CEP57L1: variants seen among roughly 807,000 people sequenced by gnomAD.
CEP57L1 encodes centrosomal protein 57 like 1.
CEP57L1 carries 37 observed loss-of-function variants against 61.0 expected under a neutral mutation model. The observed-to-expected ratio is 0.61, with a 90% CI of 0.47 to 0.80. The LOEUF (loss-of-function observed/expected upper bound fraction) is 0.80. Ranked by LOEUF, CEP57L1 falls within the 30% of genes least tolerant of loss-of-function variation. The pLI, the probability that CEP57L1 is intolerant of heterozygous loss-of-function variation, is 0.00. For synonymous variants in CEP57L1, 137 were observed against 162.3 expected (o/e 0.84, Z 1.19); for missense variants, 422 against 524.7 (o/e 0.80, Z 1.91).
In CEP57L1 at chr6:109,165,836, A is replaced by G. The variant is rs1774065648; in HGVS notation, c.*2866A>G. ...GGAGCAGTCAGTCTATGGTCAGTGTAAGAGTTGCTGTAGCAACCTCACAGC... is the reference window on the plus strand; with the variant it reads ...GGAGCAGTCAGTCTATGGTCAGTGTGAGAGTTGCTGTAGCAACCTCACAGC... On this transcript the variant is annotated 3_prime_UTR_variant, in exon 11 of 11. Coordinates refer to ENST00000517392, the MANE Select transcript of CEP57L1 (RefSeq NM_001271852.3). 6.6e-6 allele frequency: 1 copy of G among 152,242 alleles called. No individual in the cohort carries two copies. Among genetic ancestry groups the G allele is most frequent in the African/African-American group, 2.4e-5 (1 of 41,466 alleles). The allele number at this position is 152,242 out of a possible 1,614,324, so 9.4% of individuals were successfully genotyped here.
chr6:109,097,867 A>G (rs10046283), intron 1 of CEP57L1, among the ~76,000 whole-genome samples: 55,742 of 152,090 alleles, frequency 0.37, 10,840 homozygotes, highest in African/African-American at 0.46. Flanking sequence ...TGGGCAAATA[A>G]CATTCTAATG....
chr6:109,111,755 G>T (rs1013728042), intron 1 of CEP57L1, among the ~76,000 whole-genome samples: 12 of 152,132 alleles, frequency 7.9e-5, no homozygotes, highest in Non-Finnish European at 1.8e-4. Context: ...TTTGTCAAAG[G>T]CCTTTCCTGC....
intron 1 of CEP57L1, among the ~76,000 whole-genome samples, chr6:109,104,676 G>A (rs930882782): frequency 3.3e-5 from 5 of 152,026 alleles, no homozygotes; most frequent in Admixed American, 1.3e-4. Flanking sequence ...TCAACCTCCC[G>A]GGCTCAAACG....
At chr6:109,103,895 AG>A (rs1007011060) in intron 1 of CEP57L1, among the ~76,000 whole-genome samples, 159 of 152,240 alleles carry the variant, frequency 1.0e-3, no homozygotes, top group African/African-American at 3.6e-3. Flanking sequence ...ATACATATAT[AG>A]GGGTAAGATA....
At chr6:109,155,684 C>T in intron 6 of CEP57L1, 107 bp from the exon 7 acceptor site, 1 of 634,186 alleles carries the variant, frequency 1.6e-6, no homozygotes. Flanking sequence ...CTTTTCTTTT[C>T]TTCTCCAAAA....
intron 1 of CEP57L1, among the ~76,000 whole-genome samples, chr6:109,115,775 T>C (rs909048278): frequency 1.1e-4 from 17 of 152,192 alleles, no homozygotes; most frequent in African/African-American, 3.6e-4. Context: ...ACCCAATCTT[T>C]TCATCTGTTT....
chr6:109,123,932 A>G (rs1026083496), intron 1 of CEP57L1, among the ~76,000 whole-genome samples: 2 of 152,242 alleles, frequency 1.3e-5, no homozygotes, highest in East Asian at 3.9e-4. Context: ...TTAGCCAGGC[A>G]TGGTGGCGTG....
intron 1 of CEP57L1, among the ~76,000 whole-genome samples, chr6:109,143,810 C>T (rs1485904814): frequency 6.6e-6 from 1 of 152,002 alleles, no homozygotes; most frequent in African/African-American, 2.4e-5. Context: ...TTGGAGAAAC[C>T]CACCCGGAGC....
At chr6:109,131,898 G>T (rs193012838) in intron 1 of CEP57L1, among the ~76,000 whole-genome samples, 1 of 152,224 alleles carries the variant, frequency 6.6e-6, no homozygotes, top group African/African-American at 2.4e-5. Context: ...CCTAGGCATT[G>T]TGAGTTATAA....
Position 109,166,970 on chromosome 6 carries a change from A to T in CEP57L1, c.*4000A>T, listed in dbSNP as rs1444376489. Among the ~76,000 whole-genome samples, 1 of 152,238 alleles carries T rather than the reference A, an allele frequency of 6.6e-6. No homozygotes were observed. The highest frequency in any genetic ancestry group is 1.5e-5 in the Non-Finnish European group (1 of 68,048). ...GTATAAGCTGACACTCAGACATATG[A>T]CAAGACAACCTTCACTAAGGCATAA... On this transcript the variant is annotated 3_prime_UTR_variant, in exon 11 of 11. Transcript: ENST00000517392.
Position 109,174,381 on chromosome 6 carries a change from T to G in CEP57L1, c.*11411T>G, listed in dbSNP as rs115605436. ...AAAACCTTCTGTAAAGTTTCTACCC[T>G]TTGCTCTAAAGTTACATAAAAACAA... On this transcript the variant is annotated 3_prime_UTR_variant, in exon 11 of 11. Coordinates refer to ENST00000517392, the MANE Select transcript of CEP57L1 (RefSeq NM_001271852.3). Among the ~76,000 whole-genome samples, 1,142 of 152,300 alleles carry G rather than the reference T, an allele frequency of 7.5e-3. 18 individuals are homozygous for G. The highest frequency in any genetic ancestry group is 0.026 in the African/African-American group (1,096 of 41,564).
rs1220536334 is a variant in CEP57L1 at position 109,172,710 on chromosome 6, G to A, written c.*9740G>A. ...ATGGAATTGGCCATAAATTTGCTTA[G>A]TGATTTTCTGATTTAGTATCATTAG... On this transcript the variant is annotated 3_prime_UTR_variant, in exon 11 of 11. Transcript: ENST00000517392. Among the ~76,000 whole-genome samples, 1 of 152,180 alleles carries A rather than the reference G, an allele frequency of 6.6e-6. No homozygotes were observed. Among genetic ancestry groups the A allele is most frequent in the Non-Finnish European group, 1.5e-5 (1 of 68,040 alleles).
In CEP57L1 at chr6:109,128,041, C is replaced by T. The variant is rs1384843431; in HGVS notation, c.-3-17178C>T. Among the ~76,000 whole-genome samples, 5 of 152,140 alleles carry T rather than the reference C, an allele frequency of 3.3e-5. No homozygotes were observed. In the South Asian group the frequency reaches 6.2e-4, roughly 19 times the overall value. On this transcript the variant is annotated intron_variant, in intron 1 of 10. Transcript: ENST00000517392. Reference sequence around the variant, plus strand: ...AGTCTCAGCTACCTCTTTTGTCATGCACACAATGCACACACTGAAAATTGC... The same window carrying T: ...AGTCTCAGCTACCTCTTTTGTCATGTACACAATGCACACACTGAAAATTGC...
intron 1 of CEP57L1, among the ~76,000 whole-genome samples, chr6:109,097,691 A>G (rs546510193): frequency 6.6e-6 from 1 of 152,368 alleles, no homozygotes; most frequent in African/African-American, 2.4e-5. Context: ...TAGTAAATGA[A>G]ATGAAGACAA....
rs1286105090 is a variant in CEP57L1 at position 109,159,010 on chromosome 6, C to T, written c.745-15C>T. 3.2e-6 allele frequency: 5 copies of T among 1,586,172 alleles called. No individual in the cohort carries two copies. Among genetic ancestry groups the T allele is most frequent in the South Asian group, 2.3e-5 (2 of 85,440 alleles). On this transcript the variant is annotated splice_polypyrimidine_tract_variant and intron_variant, in intron 7 of 10. Coordinates refer to ENST00000517392, the MANE Select transcript of CEP57L1 (RefSeq NM_001271852.3). ...AATAATTTCTTGTTTACGTTTTTTTCTTGCCAATCTCTAGAAAACTAAATG... is the reference window on the plus strand; with the variant it reads ...AATAATTTCTTGTTTACGTTTTTTTTTTGCCAATCTCTAGAAAACTAAATG...
At chr6:109,105,779 G>C (rs1073557) in intron 1 of CEP57L1, among the ~76,000 whole-genome samples, 27,912 of 152,030 alleles carry the variant, frequency 0.18, 3,383 homozygotes, top group African/African-American at 0.34. Context: ...GGACTGGTAC[G>C]GGTTCGTGGC....
chr6:109,116,120 ATGTGTTG>A lies in CEP57L1; in HGVS notation c.-4+20549_-4+20555del, dbSNP rs1248258425. ...ATTTTATTTTATTTTATTTTATGTT[ATGTGTTG>A]TGTTATGTTATGTTATGTTATGTTA... On this transcript the variant is annotated intron_variant, in intron 1 of 10. Coordinates refer to ENST00000517392, the MANE Select transcript of CEP57L1 (RefSeq NM_001271852.3). 6.0e-3 allele frequency among the ~76,000 whole-genome samples: 812 copies of A among 136,136 alleles called. 4 individuals are homozygous for A. The highest frequency in any genetic ancestry group is 0.017 in the African/African-American group (579 of 33,468). 89.3% of individuals were successfully genotyped at this position (136,136 alleles called of 152,430 possible). A position where few individuals can be genotyped will look rare whatever the true frequency, so the allele number is the denominator to read the frequency against.
intron 1 of CEP57L1, among the ~76,000 whole-genome samples, chr6:109,101,922 C>G (rs1001009782): frequency 6.6e-6 from 1 of 152,144 alleles, no homozygotes; most frequent in South Asian, 2.1e-4. Flanking sequence ...CCCAGCCATA[C>G]AGCTGTTTTT....
intron 1 of CEP57L1, among the ~76,000 whole-genome samples, chr6:109,127,256 G>A (rs909679577): frequency 1.3e-5 from 2 of 152,180 alleles, no homozygotes; most frequent in African/African-American, 2.4e-5. Context: ...GAGTTTGGAG[G>A]CTGCTTAGTA....
Sources: allele counts gnomAD v4.1 joint callset (sites outside exome capture counted in the v4.1 genomes callset), GRCh38; gene constraint gnomAD v4.1.1; transcripts MANE v1.5; gene names NCBI Gene and HGNC (gene_info 2026-07-23, HGNC 2026-07-21).